Variants in VPS13C observed in about 807,000 individuals in gnomAD.
VPS13C encodes vacuolar protein sorting 13 homolog C.
VPS13C carries 358 observed loss-of-function variants against 456.8 expected under a neutral mutation model. The ratio of observed to expected loss-of-function variants is 0.78; its 90% CI spans 0.72 to 0.86. The LOEUF is 0.86. VPS13C is among the 40% of genes least tolerant of loss of function. VPS13C has a pLI of 0.00. For missense variants in VPS13C, 4,818 were observed against 4,385.4 expected (o/e 1.10, Z -2.79); for synonymous variants, 1,578 against 1,486.7 (o/e 1.06, Z -1.41).
intron 61 of VPS13C, among the ~76,000 whole-genome samples, chr15:61,914,808 G>A (rs1252015228): frequency 1.4e-5 from 2 of 140,228 alleles, no homozygotes; most frequent in Non-Finnish European, 3.0e-5. Context: ...TGATCCACCA[G>A]CCTCAGCCTC....
At position 61,950,208 on chromosome 15, in the gene VPS13C, G is replaced by C. The variant is rs143066654; in HGVS notation, c.4596+150C>G. 3 of 638,672 alleles carry C rather than the reference G, an allele frequency of 4.7e-6. No homozygotes were observed. The South Asian group carries it at 5.6e-5, about 12-fold the overall frequency. 39.6% of individuals were successfully genotyped at this position (638,672 alleles called of 1,614,324 possible). The stretch of plus-strand genomic sequence containing the variant: ...TTGTAAGAACTTTATTCCAATTCTA[G>C]TATCTACTTAACTTTATCCATAAAT... On this transcript the variant is annotated intron_variant, in intron 41 of 84. Transcript: ENST00000644861.
intron 38 of VPS13C, among the ~76,000 whole-genome samples, chr15:61,952,446 G>A (rs1310809692): frequency 6.6e-6 from 1 of 152,096 alleles, no homozygotes; most frequent in African/African-American, 2.4e-5. Context: ...TCCTAAGGGA[G>A]GAGAACAATC....
intron 35 of VPS13C, among the ~76,000 whole-genome samples, chr15:61,960,224 T>C (rs1021493529): frequency 2.6e-5 from 4 of 151,994 alleles, no homozygotes; most frequent in African/African-American, 9.7e-5. Flanking sequence ...CACAACCAAA[T>C]TGAGAGGTGA....
intron 66 of VPS13C, among the ~76,000 whole-genome samples, chr15:61,896,071 T>C (rs1002153554): frequency 3.3e-5 from 5 of 152,164 alleles, no homozygotes; most frequent in African/African-American, 9.7e-5. Context: ...GTACGTACAA[T>C]TGTGTCAATT....
chr15:61,927,658 T>C (rs2043903212), intron 51 of VPS13C, among the ~76,000 whole-genome samples: 1 of 152,120 alleles, frequency 6.6e-6, no homozygotes, highest in Non-Finnish European at 1.5e-5. Flanking sequence ...GATCTAGAAC[T>C]AGAAATACCA....
intron 1 of VPS13C, among the ~76,000 whole-genome samples, chr15:62,046,980 AT>A (rs942596133): frequency 1.4e-4 from 22 of 152,190 alleles, no homozygotes; most frequent in South Asian, 4.1e-4. Context: ...TAATAATTAG[AT>A]TTTTTTATGT....
Position 61,864,283 on chromosome 15 carries a change from G to C in VPS13C, c.10864-755C>G, listed in dbSNP as rs139739761. 732 of 824,142 alleles carry C rather than the reference G, an allele frequency of 8.9e-4. 5 individuals carry two copies. The African/African-American group carries it at 0.013, about 14-fold the overall frequency. The allele number at this position is 824,142 out of a possible 1,614,324, so 51.1% of individuals were successfully genotyped here. The stretch of plus-strand genomic sequence containing the variant: ...AATTTATTTCTAAAAACAAATATGA[G>C]CATAAAATAATTCAAGTATAAGTAG... On this transcript the variant is annotated intron_variant, in intron 81 of 84. Transcript: ENST00000644861.
At chr15:61,978,598 A>G (rs1596411861) in intron 23 of VPS13C, 28 bp downstream of exon 23, 1 of 1,603,486 alleles carries the variant, frequency 6.2e-7, no homozygotes, top group East Asian at 2.2e-5. Flanking sequence ...CATAATCCCA[A>G]GATCCTAAAA....
Position 61,920,537 on chromosome 15 carries a change from T to C in VPS13C, c.7173A>G (p.Ile2391Met). The C allele has an allele frequency of 5.8e-6, 9 of 1,561,930 alleles. No individual in the cohort carries two copies. Among genetic ancestry groups the C allele is most frequent in the Non-Finnish European group, 6.9e-6 (8 of 1,158,700 alleles). Residue 2391 changes from isoleucine to methionine, a missense_variant, in exon 56 of 85, where the codon ATA (isoleucine) becomes ATG (methionine). By Grantham distance (10) the Ile-to-Met change is conservative (BLOSUM62 1). Coordinates refer to ENST00000644861, the MANE Select transcript of VPS13C (RefSeq NM_020821.3). ...ISSGNTMNIT[I>M]SKSCLNVFNN... is the part of the protein sequence containing the mutation. Reference sequence around the variant, plus strand: ...TGAAAACATTAAGACAACTTTTGGATATTGTTATATTCATTGTATTTCCTG... The same window carrying C: ...TGAAAACATTAAGACAACTTTTGGACATTGTTATATTCATTGTATTTCCTG...
chr15:61,974,104 A>G (rs1470385524), intron 25 of VPS13C, among the ~76,000 whole-genome samples, 184 bp downstream of exon 25: 1 of 152,140 alleles, frequency 6.6e-6, no homozygotes, highest in East Asian at 1.9e-4. Context: ...GATTCTAAAG[A>G]AGGTTTTTGT....
chr15:61,967,116 G>T (rs982203439), intron 29 of VPS13C, among the ~76,000 whole-genome samples: 1 of 151,922 alleles, frequency 6.6e-6, no homozygotes, highest in African/African-American at 2.4e-5. Flanking sequence ...GTATGCCCTA[G>T]AAGACAAATG....
chr15:62,012,901 A>G (rs939274087), intron 11 of VPS13C, 138 bp downstream of exon 11: 4 of 517,288 alleles, frequency 7.7e-6, no homozygotes, highest in African/African-American at 5.9e-5. Flanking sequence ...ATTTGAAAGG[A>G]TGTTTTTCAT....
At chr15:61,907,119 C>T in intron 66 of VPS13C, 145 bp downstream of exon 66, 6 of 1,115,504 alleles carry the variant, frequency 5.4e-6, no homozygotes, top group Non-Finnish European at 6.6e-6. Context: ...ACAGTATTTG[C>T]CATCTAAAGT....
rs2047527845 is a variant in VPS13C at position 62,023,360 on chromosome 15, T to C, written c.624+51A>G. 13 of 1,134,608 alleles carry C rather than the reference T, an allele frequency of 1.1e-5. No homozygotes were observed. In the East Asian group the frequency reaches 3.6e-4, roughly 32 times the overall value. The allele number at this position is 1,134,608 out of a possible 1,614,324, so 70.3% of individuals were successfully genotyped here. On this transcript the variant is annotated intron_variant, in intron 8 of 84. Transcript: ENST00000644861. ...AATCCACATATAGAAAAGTCAAGAA[T>C]ATTATAAAATACATATTTAATTATT...
Position 61,923,861 on chromosome 15 carries a change from C to CTTTTTTTTTTTTTTTTTT in VPS13C, c.6610-1117_6610-1100dup, listed in dbSNP as rs1188960583. Among the ~76,000 whole-genome samples the CTTTTTTTTTTTTTTTTTT allele has an allele frequency of 8.0e-5, 6 of 75,144 alleles. 1 individual carries two copies. The highest frequency in any genetic ancestry group is 1.7e-4 in the Admixed American group (1 of 5,760). The allele number at this position is 75,144 out of a possible 152,430, so 49.3% of individuals were successfully genotyped here. The stretch of plus-strand genomic sequence containing the variant: ...GCCATATGTGACCACCCCTCTAAAT[C>CTTTTTTTTTTTTTTTTTT]TTTTTTTTTTTTTTTTTTTTTTGAG... On this transcript the variant is annotated intron_variant, in intron 53 of 84. Transcript: ENST00000644861.
At position 61,950,981 on chromosome 15, in the gene VPS13C, C is replaced by A; in HGVS notation, c.4500G>T (p.Val1500=). The A allele has an allele frequency of 6.2e-7, 1 of 1,604,650 alleles. No individual in the cohort carries two copies. Among genetic ancestry groups the A allele is most frequent in the Non-Finnish European group, 8.5e-7 (1 of 1,176,090 alleles). ...ACATTTTCAGAAGGGGTTCGTCAGT[C>A]ACATTAGAAGAGTTAATAATGTGAA... ...EPLHIINSSN[V]TDEPLLKMLL... is the part of the protein sequence containing the mutation. Residue 1500 remains valine, a synonymous_variant, in exon 40 of 85, where the codon GTG becomes GTT. Coordinates refer to ENST00000644861, the MANE Select transcript of VPS13C (RefSeq NM_020821.3).
rs776805044 is a variant in VPS13C at position 61,962,395 on chromosome 15, A to T, written c.3579T>A (p.Leu1193=). The T allele has an allele frequency of 4.4e-6, 7 of 1,593,022 alleles. No individual in the cohort carries two copies. The African/African-American group carries it at 8.1e-5, about 18-fold the overall frequency. Residue 1193 remains leucine (L), a synonymous_variant, in exon 34 of 85, where the codon CTT becomes CTA. Coordinates refer to ENST00000644861, the MANE Select transcript of VPS13C (RefSeq NM_020821.3). ...LNVGCIQIVY[L]HKFLMSLLNF... ...CCAGAAGTGACATAAGGAATTTATG[A>T]AGATAGACAATCTGAATACAGCCAA... is the stretch of plus-strand genomic sequence containing the variant.
chr15:62,051,554 C>G (rs2048618676), intron 1 of VPS13C, among the ~76,000 whole-genome samples: 1 of 152,068 alleles, frequency 6.6e-6, no homozygotes, highest in African/African-American at 2.4e-5. Flanking sequence ...GAGCATAAAG[C>G]GTATAGGATT....
At chr15:61,957,472 T>G (rs1241604835) in intron 37 of VPS13C, among the ~76,000 whole-genome samples, 3 of 152,136 alleles carry the variant, frequency 2.0e-5, no homozygotes, top group African/African-American at 7.2e-5. Context: ...GTAAAATAGT[T>G]TTTTAATAAT....
Sources: gnomAD v4.1 joint callset for allele counts (sites outside exome capture counted in the v4.1 genomes callset) on GRCh38, gnomAD v4.1.1 for gene constraint, MANE v1.5 for transcripts, NCBI Gene and HGNC (gene_info 2026-07-23, HGNC 2026-07-21) for gene names.